The following NAV3 variants were observed in gnomAD, a reference collection of about 807,000 sequenced individuals.
NAV3 encodes neuron navigator 3.
Under a neutral mutation model 244.7 loss-of-function variants are expected in NAV3, and 87 were observed. The ratio of observed to expected loss-of-function variants is 0.36; its 90% confidence interval spans 0.30 to 0.42. The LOEUF (loss-of-function observed/expected upper bound fraction) is 0.42, where lower values mean the gene tolerates loss of function less well. Ranked by LOEUF, NAV3 falls within the 20% of genes least tolerant of loss-of-function variation. NAV3 has a pLI of 1.00. For synonymous variants in NAV3, 1,126 were observed against 1,042.2 expected (o/e 1.08, Z -1.55); for missense variants, 2,663 against 2,893.3 (o/e 0.92, Z 1.83).
At chr12:77,612,747 T>TA (rs985697189) in intron 2 of NAV3, among the ~76,000 whole-genome samples, 4 of 152,148 alleles carry the variant, frequency 2.6e-5, no homozygotes, top group African/African-American at 9.6e-5. Context: ...ACCCCTTCAG[T>TA]AAGAAAAGTG....
intron 25 of NAV3, among the ~76,000 whole-genome samples, chr12:78,176,206 A>G (rs909792127): frequency 2.0e-5 from 3 of 151,890 alleles, no homozygotes; most frequent in Admixed American, 6.6e-5. Context: ...TTTAAAAACA[A>G]TGGAGTCAAT....
At chr12:78,110,995 G>C (rs1013092604) in intron 12 of NAV3, among the ~76,000 whole-genome samples, 8 of 151,976 alleles carry the variant, frequency 5.3e-5, no homozygotes, top group African/African-American at 1.9e-4. Flanking sequence ...AGAATGGAAA[G>C]GTAGGTAGGA....
chr12:78,102,813 A>G (rs968849175), intron 12 of NAV3, among the ~76,000 whole-genome samples: 2 of 152,186 alleles, frequency 1.3e-5, no homozygotes. Flanking sequence ...AGGCTGAGCT[A>G]TACCTTGGCC....
intron 5 of NAV3, among the ~76,000 whole-genome samples, chr12:77,974,134 C>G (rs1212971536): frequency 1.3e-5 from 2 of 151,942 alleles, no homozygotes; most frequent in Non-Finnish European, 2.9e-5. Flanking sequence ...AGGTGGGACT[C>G]AGATTTTAAG....
At chr12:78,071,002 G>T (rs1410575861) in intron 12 of NAV3, among the ~76,000 whole-genome samples, 1 of 148,942 alleles carries the variant, frequency 6.7e-6, no homozygotes, top group Non-Finnish European at 1.5e-5. Context: ...GAATAATGCC[G>T]CAATAAACAT....
intron 1 of NAV3, among the ~76,000 whole-genome samples, chr12:77,909,108 T>TTA (rs1363833533): frequency 6.6e-6 from 1 of 152,066 alleles, no homozygotes; most frequent in Non-Finnish European, 1.5e-5. Context: ...ATAAAGCCCC[T>TTA]TATATATGTC....
intron 5 of NAV3, among the ~76,000 whole-genome samples, chr12:77,974,915 A>G (rs12300063): frequency 0.035 from 5,261 of 152,308 alleles, 302 homozygotes; most frequent in African/African-American, 0.12. Context: ...CTTGAAGATC[A>G]TATCACATGT....
chr12:78,115,013 A>G (rs561368935), intron 12 of NAV3, among the ~76,000 whole-genome samples: 3 of 152,310 alleles, frequency 2.0e-5, no homozygotes, highest in East Asian at 1.9e-4. Flanking sequence ...AGTTGACTTC[A>G]TATGTGATCT....
chr12:77,680,315 GAAGA>G (rs1874394839), intron 2 of NAV3, among the ~76,000 whole-genome samples: 1 of 152,046 alleles, frequency 6.6e-6, no homozygotes, highest in African/African-American at 2.4e-5. Context: ...TTCCTCCCTT[GAAGA>G]AAGAATATCT....
At chr12:77,603,991 G>A (rs1870558694) in intron 2 of NAV3, among the ~76,000 whole-genome samples, 2 of 152,132 alleles carry the variant, frequency 1.3e-5, no homozygotes, top group Admixed American at 6.6e-5. Flanking sequence ...GACAGGTTTG[G>A]AGAGTTCTTG....
chr12:77,682,010 G>C (rs1454640339), intron 2 of NAV3, among the ~76,000 whole-genome samples: 1 of 152,088 alleles, frequency 6.6e-6, no homozygotes, highest in African/African-American at 2.4e-5. Flanking sequence ...ATCTGCTCTG[G>C]TAGCAATTTT....
intron 2 of NAV3, among the ~76,000 whole-genome samples, chr12:77,794,706 T>C (rs1265123879): frequency 6.6e-6 from 1 of 152,222 alleles, no homozygotes; most frequent in Non-Finnish European, 1.5e-5. Flanking sequence ...CTTTTGTCTC[T>C]ATATGAGATG....
intron 1 of NAV3, among the ~76,000 whole-genome samples, chr12:77,870,931 G>A (rs571011161): frequency 7.0e-4 from 106 of 152,266 alleles, no homozygotes; most frequent in Non-Finnish European, 1.2e-3. Context: ...AGTTTTCCTG[G>A]AGACAACAGG....
At chr12:77,961,536 A>C (rs910122574) in intron 3 of NAV3, among the ~76,000 whole-genome samples, 1 of 144,692 alleles carries the variant, frequency 6.9e-6, no homozygotes, top group Non-Finnish European at 1.5e-5. Flanking sequence ...TTAATAATAT[A>C]TAACTGTATA....
intron 9 of NAV3, among the ~76,000 whole-genome samples, chr12:78,027,451 A>T (rs908197776): frequency 6.6e-6 from 1 of 151,666 alleles, no homozygotes; most frequent in African/African-American, 2.4e-5. Flanking sequence ...CTCCAAAAAA[A>T]AAGGGTGGGG....
At chr12:77,933,306 G>A (rs780005089) in intron 1 of NAV3, among the ~76,000 whole-genome samples, 7 of 152,086 alleles carry the variant, frequency 4.6e-5, no homozygotes, top group South Asian at 2.1e-4. Flanking sequence ...GATGAGAAGC[G>A]ACCCAGGGCA....
chr12:77,934,799 A>G (rs1346832794), intron 1 of NAV3, among the ~76,000 whole-genome samples: 2 of 152,204 alleles, frequency 1.3e-5, no homozygotes, highest in Non-Finnish European at 2.9e-5. Context: ...TAGAAATGTA[A>G]TGCTACTGCT....
chr12:77,999,967 G>C (rs1872967470), intron 7 of NAV3, among the ~76,000 whole-genome samples: 2 of 152,174 alleles, frequency 1.3e-5, no homozygotes, highest in Admixed American at 1.3e-4. Flanking sequence ...CACCGTTATT[G>C]ATATTCTAGC....
chr12:77,944,968 G>T (rs1305051764), intron 3 of NAV3, among the ~76,000 whole-genome samples: 1 of 152,134 alleles, frequency 6.6e-6, no homozygotes, highest in Admixed American at 6.6e-5. Flanking sequence ...CTGGAATGTG[G>T]TATTTCTTTT....
Sources: allele counts gnomAD v4.1 joint callset (sites outside exome capture counted in the v4.1 genomes callset), GRCh38; gene constraint gnomAD v4.1.1; transcripts MANE v1.5; gene names NCBI Gene and HGNC (gene_info 2026-07-23, HGNC 2026-07-21).